Variants in ADAMTS17 observed in about 807,000 individuals in gnomAD.
ADAMTS17 encodes the protein ADAM metallopeptidase with thrombospondin type 1 motif 17, also known as A disintegrin and metalloproteinase with thrombospondin motifs 17.
A neutral mutation model predicts 141.5 loss-of-function variants in ADAMTS17; 113 were observed. The ratio of observed to expected loss-of-function variants is 0.80; its 90% confidence interval spans 0.69 to 0.93. ADAMTS17 has a LOEUF of 0.93. Among genes scored for constraint, ADAMTS17 ranks in the 40% least tolerant of loss-of-function variants. The pLI is 0.00. For missense variants in ADAMTS17, 1,659 were observed against 1,517.9 expected, an observed-to-expected ratio of 1.09 and a Z score of -1.54; for synonymous variants, 768 against 630.6, an observed-to-expected ratio of 1.22 and a Z score of -3.27.
intron 7 of ADAMTS17, among the ~76,000 whole-genome samples, chr15:100,241,578 G>A (rs2042828733): frequency 6.6e-6 from 1 of 152,182 alleles, no homozygotes; most frequent in Non-Finnish European, 1.5e-5. Context: ...GACAACCTCA[G>A]CCAGTCGGCC....
chr15:100,285,739 G>T lies in ADAMTS17; in HGVS notation c.617-4338C>A, dbSNP rs1236342376. ...CCGGCAGGGAGAGCTGCTGAGAGAGGTGGCAGGGGCAGGACTCCAGCCTGT... is the reference window on the plus strand; with the variant it reads ...CCGGCAGGGAGAGCTGCTGAGAGAGTTGGCAGGGGCAGGACTCCAGCCTGT... On this transcript the variant is annotated intron_variant, in intron 3 of 21. Transcript: ENST00000268070. Among the ~76,000 whole-genome samples, 4 of 152,334 alleles carry T rather than the reference G, an allele frequency of 2.6e-5. No individual in the cohort carries two copies. The East Asian group carries it at 7.7e-4, about 29-fold the overall frequency.
chr15:99,998,604 C>T (rs1221904142), intron 18 of ADAMTS17, among the ~76,000 whole-genome samples: 2 of 151,990 alleles, frequency 1.3e-5, no homozygotes, highest in Non-Finnish European at 2.9e-5. Flanking sequence ...ACTGTATCCC[C>T]CAAAAAATAA....
chr15:100,303,475 T>C (rs909400613), intron 3 of ADAMTS17, among the ~76,000 whole-genome samples: 2 of 151,812 alleles, frequency 1.3e-5, no homozygotes, highest in Non-Finnish European at 2.9e-5. Context: ...GAGGTCCAAT[T>C]TATCTATATT....
At chr15:100,099,865 T>C (rs537574402) in intron 14 of ADAMTS17, among the ~76,000 whole-genome samples, 1 of 152,302 alleles carries the variant, frequency 6.6e-6, no homozygotes, top group South Asian at 2.1e-4. Flanking sequence ...ATCCGTGTGC[T>C]GAGGAGGGCA....
intron 3 of ADAMTS17, among the ~76,000 whole-genome samples, chr15:100,299,188 C>G (rs193148511): frequency 1.8e-4 from 28 of 152,214 alleles, no homozygotes; most frequent in Non-Finnish European, 3.4e-4. Flanking sequence ...AACCTATGAA[C>G]TTGGGGGAGA....
intron 3 of ADAMTS17, among the ~76,000 whole-genome samples, chr15:100,318,690 C>T (rs2045639330): frequency 6.6e-6 from 1 of 152,198 alleles, no homozygotes; most frequent in East Asian, 1.9e-4. Flanking sequence ...GCAAAATAAA[C>T]AAACGGGAAA....
chr15:100,235,219 C>T (rs1485248178), intron 7 of ADAMTS17, among the ~76,000 whole-genome samples: 3 of 152,110 alleles, frequency 2.0e-5, no homozygotes, highest in Admixed American at 6.5e-5. Flanking sequence ...GACCAGGATT[C>T]CATGTGCTAG....
chr15:100,285,345 T>C (rs1159777628), intron 3 of ADAMTS17, among the ~76,000 whole-genome samples: 1 of 152,230 alleles, frequency 6.6e-6, no homozygotes, highest in Non-Finnish European at 1.5e-5. Context: ...TCATTGTAGT[T>C]ACTAGTTCTC....
chr15:100,318,944 T>C (rs769954247), intron 3 of ADAMTS17, among the ~76,000 whole-genome samples: 86 of 152,180 alleles, frequency 5.7e-4, no homozygotes, highest in Non-Finnish European at 1.0e-3. Flanking sequence ...CAGCGGGACA[T>C]GGGCAGGGTC....
chr15:100,334,923 T>A (rs1051162380), intron 2 of ADAMTS17, among the ~76,000 whole-genome samples: 1 of 152,162 alleles, frequency 6.6e-6, no homozygotes, highest in East Asian at 1.9e-4. Flanking sequence ...AGGCTTGCCA[T>A]GGTCGGAGGC....
chr15:100,239,644 C>T (rs768856646), intron 7 of ADAMTS17, among the ~76,000 whole-genome samples: 12 of 152,266 alleles, frequency 7.9e-5, no homozygotes, highest in Non-Finnish European at 1.6e-4. Flanking sequence ...AGGCTGCCTC[C>T]TGCCATGCTT....
chr15:100,168,896 C>T (rs975421931), intron 8 of ADAMTS17, among the ~76,000 whole-genome samples: 2 of 152,216 alleles, frequency 1.3e-5, no homozygotes, highest in Non-Finnish European at 2.9e-5. Flanking sequence ...TTCAGAGGAC[C>T]CTCCCCTTGC....
rs1308988204 is a variant in ADAMTS17, at chr15:100,155,288, G to A, written c.1214C>T (p.Ser405Phe). ...CATGATGTGGGACCTGCCAGCGCAAGATGAGTGGTCATCGTCGTGGTTCAT... is the reference window on the plus strand; with the variant it reads ...CATGATGTGGGACCTGCCAGCGCAAAATGAGTGGTCATCGTCGTGGTTCAT... The part of the protein sequence containing the change: ...LGMNHDDDHS[S>F]CAGRSHIMSG... Residue 405 changes from serine (S) to phenylalanine (F), a missense_variant, in exon 9 of 22, where the codon TCT becomes TTT. Transcript: ENST00000268070. 2 of 1,614,036 alleles carry A rather than the reference G, an allele frequency of 1.2e-6. No individual in the cohort carries two copies. Among genetic ancestry groups the A allele is most frequent in the Admixed American group, 1.7e-5 (1 of 59,996 alleles).
chr15:100,214,933 A>C (rs2041923676), intron 7 of ADAMTS17, among the ~76,000 whole-genome samples: 1 of 152,238 alleles, frequency 6.6e-6, no homozygotes. Flanking sequence ...CTGCAGAGAC[A>C]ACTCTCTTTT....
chr15:100,174,803 T>C (rs1331065311), intron 8 of ADAMTS17, among the ~76,000 whole-genome samples: 1 of 152,222 alleles, frequency 6.6e-6, no homozygotes, highest in Non-Finnish European at 1.5e-5. Context: ...ACTGAAAGGA[T>C]TGCATGAACG....
chr15:100,238,127 T>C (rs983006819), intron 7 of ADAMTS17, among the ~76,000 whole-genome samples: 2 of 152,194 alleles, frequency 1.3e-5, no homozygotes, highest in Non-Finnish European at 2.9e-5. Flanking sequence ...AAATTAATAG[T>C]GTTGGCATAG....
chr15:100,148,697 A>G (rs1412771302), intron 10 of ADAMTS17, among the ~76,000 whole-genome samples: 1 of 151,818 alleles, frequency 6.6e-6, no homozygotes, highest in African/African-American at 2.4e-5. Flanking sequence ...TATATTGAGT[A>G]TTTTTCTAGA....
At chr15:100,005,398 A>T (rs1419699792) in intron 18 of ADAMTS17, among the ~76,000 whole-genome samples, 1 of 152,162 alleles carries the variant, frequency 6.6e-6, no homozygotes, top group Non-Finnish European at 1.5e-5. Flanking sequence ...GACTCCAGGG[A>T]AGAATCTGTC....
rs34003703 is a variant in ADAMTS17, at chr15:100,116,132, T to TAAAAAAAAAAAAAAAAAAA, written c.1888+696_1888+714dup. On this transcript the variant is annotated intron_variant, in intron 13 of 21. Transcript: ENST00000268070. The stretch of plus-strand genomic sequence containing the variant: ...TTTCCTAAAGAAGAACAGTTTTAGG[T>TAAAAAAAAAAAAAAAAAAA]AAAAAAAAAAAAAAAAAAAAAAAAA... 2.2e-4 allele frequency among the ~76,000 whole-genome samples: 19 copies of TAAAAAAAAAAAAAAAAAAA among 84,788 alleles called. 2 individuals carry two copies. The highest frequency in any genetic ancestry group is 7.5e-4 in the African/African-American group (16 of 21,296). 55.6% of individuals were successfully genotyped at this position (84,788 alleles called of 152,430 possible). A position where few individuals can be genotyped will look rare whatever the true frequency, so the allele number is the denominator to read the frequency against.
Sources: gnomAD v4.1 joint callset for allele counts (sites outside exome capture counted in the v4.1 genomes callset) on GRCh38, gnomAD v4.1.1 for gene constraint, MANE v1.5 for transcripts, NCBI Gene and HGNC (gene_info 2026-07-23, HGNC 2026-07-21) for gene names.